UGT3A1: variants seen among roughly 807,000 people sequenced by gnomAD.
UGT3A1 encodes the protein UDP-glycosyltransferase 3A1.
UGT3A1 carries 40 observed loss-of-function variants against 37.6 expected under a neutral mutation model. That is an observed-to-expected ratio of 1.06 (90% CI 0.83 to 1.38). The LOEUF (loss-of-function observed/expected upper bound fraction) is 1.38, where lower values mean the gene tolerates loss of function less well. UGT3A1 is among the 40% of genes most tolerant of loss of function. UGT3A1 has a pLI of 0.00. For synonymous variants in UGT3A1, 256 were observed against 232.3 expected, an observed-to-expected ratio of 1.10 and a Z score of -0.93; for missense variants, 642 against 634.2, an observed-to-expected ratio of 1.01 and a Z score of -0.13.
chr5:35,974,278 C>T (rs1740168843), intron 2 of UGT3A1, among the ~76,000 whole-genome samples: 2 of 152,066 alleles, frequency 1.3e-5, no homozygotes, highest in Non-Finnish European at 2.9e-5. Context: ...GGGTCTAATT[C>T]CCCAAACTGA....
intron 6 of UGT3A1, 115 bp downstream of exon 6, chr5:35,955,530 G>C (rs1285843074): frequency 2.5e-6 from 3 of 1,211,100 alleles, no homozygotes; most frequent in Non-Finnish European, 3.5e-6. Context: ...TCACACACAT[G>C]TTATTCCATG....
chr5:35,958,564 G>A lies in UGT3A1; in HGVS notation c.844-1145C>T, dbSNP rs1470591320. On this transcript the variant is annotated intron_variant, in intron 4 of 6. Transcript: ENST00000274278. Reference sequence around the variant, plus strand: ...AGAGCAATAATGTTAATCAGCAGCCGCATGCCCTTGTTCTTTCAGAGAAAC... The same window carrying A: ...AGAGCAATAATGTTAATCAGCAGCCACATGCCCTTGTTCTTTCAGAGAAAC... Among the ~76,000 whole-genome samples, 5 of 152,132 alleles carry A rather than the reference G, an allele frequency of 3.3e-5. No individual in the cohort carries two copies. In the East Asian group the frequency reaches 7.7e-4, roughly 23 times the overall value.
At chr5:35,991,066 A>G in intron 1 of UGT3A1, 81 bp downstream of exon 1, 2 of 1,613,814 alleles carry the variant, frequency 1.2e-6, no homozygotes, top group Non-Finnish European at 1.7e-6. Context: ...GATAACTCTG[A>G]TCAATCGCCG....
chr5:35,954,790 T>C, intron 6 of UGT3A1: 1 of 331,690 alleles, frequency 3.0e-6, no homozygotes. Context: ...GGAAAAAATA[T>C]ATATGACCAT....
chr5:35,956,129 C>T (rs939015094), intron 5 of UGT3A1, among the ~76,000 whole-genome samples: 1 of 152,216 alleles, frequency 6.6e-6, no homozygotes, highest in African/African-American at 2.4e-5. Flanking sequence ...ATAAGCAAGG[C>T]ATATTTCTCC....
At chr5:35,991,111 C>T (rs1195485893) in intron 1 of UGT3A1, 36 bp downstream of exon 1, 1 of 1,614,098 alleles carries the variant, frequency 6.2e-7, no homozygotes, top group Admixed American at 1.7e-5. Flanking sequence ...GGATCCGGGA[C>T]GCGCCTGTCT....
At chr5:35,965,995 A>C in intron 3 of UGT3A1, 78 bp from the exon 4 acceptor site, 3 of 1,151,410 alleles carry the variant, frequency 2.6e-6, no homozygotes, top group Non-Finnish European at 2.4e-6. Flanking sequence ...AGACTCAAAA[A>C]AATATTTCAG....
At chr5:35,992,106 A>G (rs1394140248), upstream of UGT3A1, among the ~76,000 whole-genome samples, 7 of 152,228 alleles carry the variant, frequency 4.6e-5, no homozygotes, top group African/African-American at 1.7e-4. Context: ...AAAGGCTTTC[A>G]GTGCAATTCT....
chr5:35,976,067 G>C (rs1432384468), intron 2 of UGT3A1, among the ~76,000 whole-genome samples: 1 of 152,088 alleles, frequency 6.6e-6, no homozygotes, highest in African/African-American at 2.4e-5. Flanking sequence ...TTTGCTTCCT[G>C]TTCCTGCAGC....
chr5:35,995,985 C>A (rs1270413069), upstream of UGT3A1, among the ~76,000 whole-genome samples: 3 of 147,052 alleles, frequency 2.0e-5, no homozygotes, highest in Non-Finnish European at 4.5e-5. Context: ...GACTAATGAA[C>A]TAGTTAACTT....
chr5:35,954,315 C>A lies in UGT3A1; in HGVS notation c.1459G>T (p.Asp487Tyr), dbSNP rs1739269266. Residue 487 changes from aspartate (D) to tyrosine (Y), a missense_variant, in exon 7 of 7, where the codon GAT (aspartate) becomes TAT (tyrosine). By Grantham distance (160) the Asp-to-Tyr change is radical. Coordinates refer to ENST00000274278, the MANE Select transcript of UGT3A1 (RefSeq NM_152404.4). ...QQPWHEQYLI[D>Y]VFVFLLGLTL... is the part of the protein sequence containing the mutation. ...AGCCCCAGCAGAAACACAAAGACATCAATGAGGTACTGCTCATGCCAAGGC... is the reference window on the plus strand; with the variant it reads ...AGCCCCAGCAGAAACACAAAGACATAAATGAGGTACTGCTCATGCCAAGGC... The A allele has an allele frequency of 6.2e-7, 1 of 1,614,078 alleles. No individual in the cohort carries two copies. Among genetic ancestry groups the A allele is most frequent in the African/African-American group, 1.3e-5 (1 of 74,922 alleles).
At chr5:35,994,978 T>C (rs1341062527), upstream of UGT3A1, among the ~76,000 whole-genome samples, 2 of 152,210 alleles carry the variant, frequency 1.3e-5, no homozygotes, top group Admixed American at 1.3e-4. Flanking sequence ...TTAGTGTAAC[T>C]GTGAACCAGG....
chr5:35,986,969 T>C (rs972590489), intron 2 of UGT3A1, among the ~76,000 whole-genome samples: 1 of 152,060 alleles, frequency 6.6e-6, no homozygotes, highest in South Asian at 2.1e-4. Flanking sequence ...GCAATAAAAA[T>C]GTATAAATTT....
chr5:35,977,704 A>C (rs1429160997), intron 2 of UGT3A1, among the ~76,000 whole-genome samples: 1 of 152,268 alleles, frequency 6.6e-6, no homozygotes, highest in East Asian at 1.9e-4. Context: ...TCTTTTCTTT[A>C]TAAATTATGC....
chr5:35,998,711 G>T (rs1365921598), intron 1 of UGT3A1, among the ~76,000 whole-genome samples: 1 of 152,184 alleles, frequency 6.6e-6, no homozygotes, highest in Non-Finnish European at 1.5e-5. Flanking sequence ...GGAAATTTTA[G>T]AGCAGGATAT....
chr5:35,990,930 G>C, intron 1 of UGT3A1: 3 of 1,430,742 alleles, frequency 2.1e-6, no homozygotes, highest in Non-Finnish European at 9.2e-7. Flanking sequence ...AGAGAAGAAA[G>C]GAGAGTGTCT....
chr5:35,963,387 CGGATT>C (rs1739668106), intron 4 of UGT3A1, among the ~76,000 whole-genome samples: 1 of 152,092 alleles, frequency 6.6e-6, no homozygotes, highest in Non-Finnish European at 1.5e-5. Context: ...GGGACAAAAA[CGGATT>C]TCAGGGGCTG....
intron 2 of UGT3A1, among the ~76,000 whole-genome samples, chr5:35,976,565 C>T: frequency 6.6e-6 from 1 of 152,260 alleles, no homozygotes; most frequent in African/African-American, 2.4e-5. Flanking sequence ...GTAGGACAGG[C>T]ATAGTAGCTC....
intron 5 of UGT3A1, 110 bp downstream of exon 5, chr5:35,957,078 T>G (rs559679701): frequency 1.2e-6 from 1 of 819,546 alleles, no homozygotes; most frequent in Non-Finnish European, 2.0e-6. Flanking sequence ...CCTTTACCTA[T>G]GAGTAGCTAC....
Sources: allele counts gnomAD v4.1 joint callset (sites outside exome capture counted in the v4.1 genomes callset), GRCh38; gene constraint gnomAD v4.1.1; transcripts MANE v1.5; gene names NCBI Gene and HGNC (gene_info 2026-07-23, HGNC 2026-07-21).